ARAP2: variants seen among roughly 807,000 people sequenced by gnomAD.
ARAP2 encodes the protein arf-GAP with Rho-GAP domain, ANK repeat and PH domain-containing protein 2.
A neutral mutation model predicts 194.5 loss-of-function variants in ARAP2; 148 were observed. The observed-to-expected ratio is 0.76, with a 90% CI of 0.67 to 0.87. ARAP2 has a LOEUF of 0.87. Among genes scored for constraint, ARAP2 ranks in the 40% least tolerant of loss-of-function variants. ARAP2 has a pLI of 0.00. For synonymous variants in ARAP2, 695 were observed against 683.5 expected, an observed-to-expected ratio of 1.02 and a Z score of -0.26; for missense variants, 2,128 against 1,989.7, an observed-to-expected ratio of 1.07 and a Z score of -1.32.
intron 12 of ARAP2, 73 bp downstream of exon 12, chr4:36,161,392 C>T: frequency 7.8e-7 from 1 of 1,287,780 alleles, no homozygotes; most frequent in Non-Finnish European, 1.1e-6. Context: ...CACCCAAACC[C>T]ACAGCAAACC....
chr4:36,176,178 G>A (rs1371616800), intron 9 of ARAP2, among the ~76,000 whole-genome samples: 3 of 152,098 alleles, frequency 2.0e-5, no homozygotes, highest in African/African-American at 4.8e-5. Context: ...ACTCAACTCT[G>A]CATTATAAAC....
In ARAP2 at chr4:36,017,368, C is replaced by T. The variant is rs904955099; in HGVS notation, n.751-1410G>A. 7.3e-5 allele frequency among the ~76,000 whole-genome samples: 11 copies of T among 151,332 alleles called. 1 individual carries two copies. Among genetic ancestry groups the T allele is most frequent in the Non-Finnish European group, 1.6e-4 (11 of 67,870 alleles). ...TAAGTTCTTTCCTTCATGCATCTTACATACTGTGGGGAAGAGACAGAAAAC... is the reference window on the plus strand; with the variant it reads ...TAAGTTCTTTCCTTCATGCATCTTATATACTGTGGGGAAGAGACAGAAAAC... On this transcript the variant is annotated intron_variant and non_coding_transcript_variant, in intron 6 of 12. Coordinates refer to the ARAP2 transcript ENST00000503225.
intron 22 of ARAP2, among the ~76,000 whole-genome samples, chr4:36,122,020 A>G (rs1355728475): frequency 2.0e-5 from 3 of 151,768 alleles, no homozygotes; most frequent in Non-Finnish European, 3.0e-5. Context: ...CTGTTTACGA[A>G]TAAGTATAAA....
chr4:36,192,813 A>G (rs1483205848), intron 7 of ARAP2, among the ~76,000 whole-genome samples: 2 of 152,204 alleles, frequency 1.3e-5, no homozygotes, highest in Admixed American at 6.5e-5. Flanking sequence ...CCTGGCCAAC[A>G]TGGTGAAACC....
At chr4:36,208,828 G>GGGGGT (rs1746119670) in intron 6 of ARAP2, among the ~76,000 whole-genome samples, 1 of 151,940 alleles carries the variant, frequency 6.6e-6, no homozygotes, top group Non-Finnish European at 1.5e-5. Context: ...TATTTTGGTT[G>GGGGGT]GGGGTGGGGT....
chr4:36,226,803 A>G (rs1750419001), intron 2 of ARAP2, among the ~76,000 whole-genome samples: 1 of 152,192 alleles, frequency 6.6e-6, no homozygotes, highest in African/African-American at 2.4e-5. Flanking sequence ...AAATTCATGA[A>G]AATTAGCACA....
intron 10 of ARAP2, among the ~76,000 whole-genome samples, chr4:36,166,455 T>C (rs962796777): frequency 6.6e-6 from 1 of 152,086 alleles, no homozygotes; most frequent in African/African-American, 2.4e-5. Context: ...TTTGGATCAA[T>C]AGGTGCTATG....
rs1723538812 is a variant in ARAP2, at chr4:36,124,972, AG to A, written c.3641-6del. On this transcript the variant is annotated splice_region_variant and splice_polypyrimidine_tract_variant and intron_variant, in intron 21 of 32. Transcript: ENST00000303965. ...TTTCCTTGTCATCTTGCGTATCTGA[AG>A]GGGAAAAAAAAACAATCTTGAGATC... 1.3e-6 allele frequency: 2 copies of A among 1,568,376 alleles called. No homozygotes were observed. The highest frequency in any genetic ancestry group is 1.4e-5 in the African/African-American group (1 of 73,628).
At chr4:36,200,939 T>C (rs755968088) in intron 6 of ARAP2, among the ~76,000 whole-genome samples, 3 of 152,216 alleles carry the variant, frequency 2.0e-5, no homozygotes, top group Admixed American at 2.0e-4. Context: ...AGATAATGTA[T>C]ACAAGACAAT....
Position 36,068,070 on chromosome 4 carries a change from T to A in ARAP2, c.4952A>T (p.His1651Leu). 1 of 1,614,186 alleles carries A rather than the reference T, an allele frequency of 6.2e-7. No individual in the cohort carries two copies. Among genetic ancestry groups the A allele is most frequent in the Non-Finnish European group, 8.5e-7 (1 of 1,180,002 alleles). The change falls in exon 33 of 33, where the codon CAT becomes CTT. Residue 1651 changes from histidine (H) to leucine (L), a missense_variant. Transcript: ENST00000303965. ...PEAPLGQPKG[H>L]KGLKTLRKTE... is the part of the protein sequence containing the mutation. ...CTTCCTCAATGTCTTTAGGCCTTTATGGCCTTTTGGTTGCCCAAGTGGGGC... is the reference window on the plus strand; with the variant it reads ...CTTCCTCAATGTCTTTAGGCCTTTAAGGCCTTTTGGTTGCCCAAGTGGGGC...
intron 11 of ARAP2, among the ~76,000 whole-genome samples, chr4:36,163,196 A>G (rs1475049759): frequency 6.6e-6 from 1 of 152,120 alleles, no homozygotes; most frequent in African/African-American, 2.4e-5. Context: ...AGAAGTGAGA[A>G]TGTAACCCAA....
At chr4:36,218,210 T>C (rs1748394245) in intron 2 of ARAP2, among the ~76,000 whole-genome samples, 1 of 152,112 alleles carries the variant, frequency 6.6e-6, no homozygotes, top group Non-Finnish European at 1.5e-5. Context: ...AGCAAACTAA[T>C]GCAGGAACAG....
intron 1 of ARAP2, among the ~76,000 whole-genome samples, chr4:36,231,705 G>T (rs1022880069): frequency 1.3e-5 from 2 of 151,868 alleles, no homozygotes; most frequent in African/African-American, 4.8e-5. Context: ...ATACACACAC[G>T]CACACCAAGA....
intron 8 of ARAP2, among the ~76,000 whole-genome samples, chr4:36,185,940 T>C (rs1740450680): frequency 6.6e-6 from 1 of 151,350 alleles, no homozygotes; most frequent in African/African-American, 2.4e-5. Context: ...ATTGCGCCAT[T>C]GCACTCAAGC....
intron 6 of ARAP2, among the ~76,000 whole-genome samples, chr4:36,017,028 C>T (rs1418166056): frequency 1.3e-5 from 2 of 151,992 alleles, no homozygotes; most frequent in Non-Finnish European, 2.9e-5. Context: ...AATCCGTGCT[C>T]ATTTGTTTTA....
rs1718705672 is a variant in ARAP2, at chr4:36,107,459, T to C, written c.4285+106A>G. On this transcript the variant is annotated intron_variant, in intron 27 of 32. Coordinates refer to ENST00000303965, the MANE Select transcript of ARAP2 (RefSeq NM_015230.4). Reference sequence around the variant, plus strand: ...GTACTATCTCAGTTCATTCTGTATCTAGCTACTCGTTTTTCACATTTTCAA... The same window carrying C: ...GTACTATCTCAGTTCATTCTGTATCCAGCTACTCGTTTTTCACATTTTCAA... 4.2e-6 allele frequency: 5 copies of C among 1,185,860 alleles called. No homozygotes were observed. In the South Asian group the frequency reaches 7.0e-5, roughly 17 times the overall value. 73.5% of individuals were successfully genotyped at this position (1,185,860 alleles called of 1,614,324 possible).
At chr4:36,073,025 T>C (rs1282053357) in intron 32 of ARAP2, among the ~76,000 whole-genome samples, 1 of 152,170 alleles carries the variant, frequency 6.6e-6, no homozygotes, top group Non-Finnish European at 1.5e-5. Context: ...CTTTTCTTTT[T>C]GCTTTCAGAG....
intron 6 of ARAP2, among the ~76,000 whole-genome samples, chr4:36,208,443 T>C (rs1409973083): frequency 6.6e-6 from 1 of 152,252 alleles, no homozygotes; most frequent in Non-Finnish European, 1.5e-5. Flanking sequence ...AAATATTTAC[T>C]ACTTGACCCT....
intron 9 of ARAP2, chr4:36,012,561 AC>A (rs754508435): frequency 3.3e-5 from 5 of 152,230 alleles, no homozygotes; most frequent in Non-Finnish European, 5.9e-5. Context: ...AAAATCACTT[AC>A]AATCCACATC....
Sources: gnomAD v4.1 joint callset for allele counts (sites outside exome capture counted in the v4.1 genomes callset) on GRCh38, gnomAD v4.1.1 for gene constraint, MANE v1.5 for transcripts, NCBI Gene and HGNC (gene_info 2026-07-23, HGNC 2026-07-21) for gene names.